CATSPERB: variants seen among roughly 807,000 people sequenced by gnomAD.
The protein encoded by CATSPERB is cation channel sperm-associated auxiliary subunit beta.
CATSPERB carries 93 observed loss-of-function variants against 128.3 expected under a neutral mutation model. The observed-to-expected ratio is 0.72, with a 90% CI of 0.61 to 0.86. The LOEUF (loss-of-function observed/expected upper bound fraction) is 0.86, where lower values mean the gene tolerates loss of function less well. Ranked by LOEUF, CATSPERB falls within the 40% of genes least tolerant of loss-of-function variation. The probability of loss-of-function intolerance (pLI) is 0.00; values close to 1 mark genes in which losing one functional copy is unlikely to be tolerated. For missense variants in CATSPERB, 1,153 were observed against 1,329.5 expected, an observed-to-expected ratio of 0.87 and a Z score of 2.06; for synonymous variants, 381 against 448.8, an observed-to-expected ratio of 0.85 and a Z score of 1.91.
chr14:91,670,360 A>G (rs1225890652), intron 13 of CATSPERB, among the ~76,000 whole-genome samples: 1 of 152,220 alleles, frequency 6.6e-6, no homozygotes, highest in Non-Finnish European at 1.5e-5. Flanking sequence ...GGATCAGAAT[A>G]TGACACCTCA....
chr14:91,606,532 C>T (rs1893707721), intron 22 of CATSPERB, among the ~76,000 whole-genome samples: 1 of 152,232 alleles, frequency 6.6e-6, no homozygotes, highest in South Asian at 2.1e-4. Flanking sequence ...CACTGCACTC[C>T]AGCCTGCGTG....
At chr14:91,687,870 G>C (rs1459220869) in intron 10 of CATSPERB, among the ~76,000 whole-genome samples, 1 of 150,382 alleles carries the variant, frequency 6.6e-6, no homozygotes, top group Non-Finnish European at 1.5e-5. Context: ...CAGGAGAATT[G>C]CTTGAACCCA....
chr14:91,652,504 CAAAAAAAA>C (rs536896278), intron 15 of CATSPERB, among the ~76,000 whole-genome samples: 1 of 111,730 alleles, frequency 9.0e-6, no homozygotes, highest in East Asian at 2.6e-4. Flanking sequence ...ACTAACAATA[CAAAAAAAA>C]AAAAAAAAAT....
intron 14 of CATSPERB, among the ~76,000 whole-genome samples, chr14:91,668,923 T>TTGAAGTCAGCGAAACCA (rs1474536837): frequency 6.6e-6 from 1 of 152,202 alleles, no homozygotes; most frequent in Non-Finnish European, 1.5e-5. Flanking sequence ...AGATTCATTC[T>TTGAAGTCAGCGAAACCA]TGAAGTCAGC....
At chr14:91,696,682 T>G (rs1168201012) in intron 7 of CATSPERB, among the ~76,000 whole-genome samples, 1 of 152,184 alleles carries the variant, frequency 6.6e-6, no homozygotes, top group Admixed American at 6.5e-5. Context: ...TATGTCTCTA[T>G]CCTAACGGAT....
intron 12 of CATSPERB, among the ~76,000 whole-genome samples, chr14:91,673,810 G>C (rs1331544572): frequency 6.6e-6 from 1 of 151,858 alleles, no homozygotes; most frequent in African/African-American, 2.4e-5. Flanking sequence ...TTGAACCTGG[G>C]AGGCAGAGGT....
At chr14:91,705,541 G>A (rs1895720161) in intron 6 of CATSPERB, among the ~76,000 whole-genome samples, 1 of 152,224 alleles carries the variant, frequency 6.6e-6, no homozygotes, top group Admixed American at 6.5e-5. Flanking sequence ...GGCAAACCAG[G>A]CCTTCCAGAA....
Position 91,659,916 on chromosome 14 carries a change from T to A in CATSPERB, c.1353A>T (p.Ile451=). 6.2e-7 allele frequency: 1 copy of A among 1,603,784 alleles called. No homozygotes were observed. ...TATAAAAACTATGAAAAGTCTTCTT[T>A]ATGATATCATCATGAAAGTTAGCTA... ...QLIANFHDDI[I]KKTFHSFYTS... is the part of the protein sequence containing the mutation. Residue 451 remains isoleucine (I), a synonymous_variant, in exon 15 of 27, where the codon ATA becomes ATT. Coordinates refer to ENST00000256343, the MANE Select transcript of CATSPERB (RefSeq NM_024764.4).
chr14:91,728,265 C>T (rs1393844812), intron 2 of CATSPERB, among the ~76,000 whole-genome samples: 1 of 152,030 alleles, frequency 6.6e-6, no homozygotes, highest in Non-Finnish European at 1.5e-5. Context: ...CAGGTGAGCA[C>T]CATCACACCT....
chr14:91,691,732 C>T (rs539261537), intron 9 of CATSPERB, among the ~76,000 whole-genome samples, 177 bp from the exon 10 acceptor site: 5 of 152,266 alleles, frequency 3.3e-5, no homozygotes, highest in African/African-American at 1.2e-4. Context: ...TAAAAGCAAA[C>T]TCTGATATAG....
At chr14:91,656,111 A>T (rs1443638090) in intron 15 of CATSPERB, among the ~76,000 whole-genome samples, 1 of 152,152 alleles carries the variant, frequency 6.6e-6, no homozygotes, top group Non-Finnish European at 1.5e-5. Context: ...TGAAAAAGAA[A>T]TATTTTCTGA....
chr14:91,672,731 T>C, intron 13 of CATSPERB, 136 bp downstream of exon 13: 1 of 639,678 alleles, frequency 1.6e-6, no homozygotes, highest in African/African-American at 1.9e-5. Flanking sequence ...ATATTATTGA[T>C]TTTAAATAAT....
chr14:91,631,533 T>C (rs1376806439), intron 17 of CATSPERB, among the ~76,000 whole-genome samples: 1 of 151,974 alleles, frequency 6.6e-6, no homozygotes, highest in Non-Finnish European at 1.5e-5. Context: ...GGCGTGGTGG[T>C]GGGCGTCTGT....
chr14:91,660,987 G>C (rs531107644), intron 14 of CATSPERB, among the ~76,000 whole-genome samples: 1 of 152,250 alleles, frequency 6.6e-6, no homozygotes, highest in East Asian at 1.9e-4. Context: ...TGCTTACTGG[G>C]CCTGAATATT....
intron 17 of CATSPERB, among the ~76,000 whole-genome samples, chr14:91,627,079 C>T (rs1894177760): frequency 6.6e-6 from 1 of 152,100 alleles, no homozygotes; most frequent in Non-Finnish European, 1.5e-5. Context: ...ATTGCAATTA[C>T]AACAATGGGA....
rs202019912 is a variant in CATSPERB at position 91,636,499 on chromosome 14, A to C, written c.1668T>G (p.Pro556=). ...AGATCGTTTCCTGGGGTTCGTTCTC[A>C]GGTACATATGCAAAAAAGATAATTT... is the stretch of plus-strand genomic sequence containing the variant. ...LDEIIFFAYV[P]ENEPQETIYS... The change falls in exon 17 of 27, where the codon CCT becomes CCG. Residue 556 remains proline, a synonymous_variant. Transcript: ENST00000256343. The C allele has an allele frequency of 3.1e-6, 5 of 1,613,996 alleles. No homozygotes were observed. The South Asian group carries it at 5.5e-5, about 18-fold the overall frequency.
chr14:91,725,220 T>C (rs371589316), intron 2 of CATSPERB, 52 bp from the exon 3 acceptor site: 37 of 757,626 alleles, frequency 4.9e-5, no homozygotes, highest in Non-Finnish European at 6.8e-5. Context: ...AGACTGTCCA[T>C]AAAAAGTACC....
chr14:91,616,733 CTTTTTTTTT>C (rs1555360386), intron 20 of CATSPERB, among the ~76,000 whole-genome samples: 8 of 84,500 alleles, frequency 9.5e-5, no homozygotes, highest in African/African-American at 1.9e-4. Context: ...AAGTATTCCC[CTTTTTTTTT>C]TTTTTTTTTT....
intron 22 of CATSPERB, among the ~76,000 whole-genome samples, chr14:91,599,129 C>T (rs1893564009): frequency 6.6e-6 from 1 of 152,070 alleles, no homozygotes; most frequent in Non-Finnish European, 1.5e-5. Flanking sequence ...TGGTTTGATC[C>T]ATAAAGTTAG....
Sources: gnomAD v4.1 joint callset for allele counts (sites outside exome capture counted in the v4.1 genomes callset) on GRCh38, gnomAD v4.1.1 for gene constraint, MANE v1.5 for transcripts, NCBI Gene and HGNC (gene_info 2026-07-23, HGNC 2026-07-21) for gene names.